The following TMEM17 variants were observed in gnomAD, a reference collection of about 807,000 sequenced individuals.
TMEM17 encodes the protein transmembrane protein 17.
Under a neutral mutation model 19.1 loss-of-function variants are expected in TMEM17, and 15 were observed. The observed-to-expected ratio is 0.78, with a 90% CI of 0.52 to 1.21. The LOEUF (loss-of-function observed/expected upper bound fraction) is 1.21. TMEM17 is among the 50% of genes most tolerant of loss of function. TMEM17 has a pLI of 0.00. For synonymous variants in TMEM17, 103 were observed against 86.9 expected, an observed-to-expected ratio of 1.19 and a Z score of -1.03; for missense variants, 245 against 242.3, an observed-to-expected ratio of 1.01 and a Z score of -0.07.
chr2:62,480,677 T>C, the TMEM17 span, among the ~76,000 whole-genome samples: 1 of 135,338 alleles, frequency 7.4e-6, no homozygotes, highest in Admixed American at 7.8e-5. Context: ...CTTTCCCCAG[T>C]AAGTGTTCTT....
the TMEM17 span, among the ~76,000 whole-genome samples, chr2:62,471,149 T>C: frequency 8.5e-5 from 13 of 152,256 alleles, no homozygotes; most frequent in African/African-American, 3.1e-4. Flanking sequence ...GTCACTAGTC[T>C]TTATTAGGCA....
the TMEM17 span, chr2:62,463,245 G>A: frequency 6.6e-6 from 1 of 152,200 alleles, no homozygotes; most frequent in African/African-American, 2.4e-5. Flanking sequence ...CCCACCGCAA[G>A]AGTAAAGGGC....
At chr2:62,462,159 C>T in the TMEM17 span, among the ~76,000 whole-genome samples, 1 of 152,194 alleles carries the variant, frequency 6.6e-6, no homozygotes, top group African/African-American at 2.4e-5. Flanking sequence ...CTGGTCCCAG[C>T]CCGTGCCCCA....
At chr2:62,455,882 T>C in the TMEM17 span, among the ~76,000 whole-genome samples, 1 of 152,226 alleles carries the variant, frequency 6.6e-6, no homozygotes, top group African/African-American at 2.4e-5. Flanking sequence ...GTTATTGTCT[T>C]TTATTATAGC....
chr2:62,502,074 T>G (rs1679943977), intron 3 of TMEM17: 1 of 166,170 alleles, frequency 6.0e-6, no homozygotes, highest in Non-Finnish European at 1.3e-5. Context: ...AATTCATAAT[T>G]TTCCCCCATT....
downstream of TMEM17, among the ~76,000 whole-genome samples, chr2:62,499,564 G>A (rs1046624568): frequency 5.3e-5 from 8 of 152,292 alleles, no homozygotes; most frequent in Middle Eastern, 0.01. Context: ...TAATCATAAA[G>A]AGCAGAAATA....
At chr2:62,492,450 A>T in the TMEM17 span, among the ~76,000 whole-genome samples, 218 of 152,346 alleles carry the variant, frequency 1.4e-3, 2 homozygotes, top group Middle Eastern at 0.014. Context: ...GGATCCAGCA[A>T]AATTTGAGCA....
chr2:62,498,489 G>A (rs1431788115), downstream of TMEM17, among the ~76,000 whole-genome samples: 1 of 150,970 alleles, frequency 6.6e-6, no homozygotes, highest in Non-Finnish European at 1.5e-5. Flanking sequence ...GGCCGAGGCG[G>A]GCGGATCACG....
intron 1 of TMEM17, 125 bp downstream of exon 1, chr2:62,505,905 C>T (rs1054420212): frequency 7.2e-6 from 7 of 971,970 alleles, no homozygotes; most frequent in Non-Finnish European, 9.3e-6. Context: ...GGCGCTCTCC[C>T]GCACTGCGGA....
downstream of TMEM17, among the ~76,000 whole-genome samples, chr2:62,498,040 T>C (rs1246828078): frequency 6.6e-6 from 1 of 152,230 alleles, no homozygotes; most frequent in Non-Finnish European, 1.5e-5. Context: ...TCCTTACATA[T>C]ACTAGTCATT....
the TMEM17 span, among the ~76,000 whole-genome samples, chr2:62,483,726 A>T: frequency 1.3e-5 from 2 of 151,442 alleles, no homozygotes; most frequent in African/African-American, 2.4e-5. Flanking sequence ...CAGCCTCCTG[A>T]GTAGCTGGGA....
At chr2:62,459,627 T>C in the TMEM17 span, among the ~76,000 whole-genome samples, 3 of 152,262 alleles carry the variant, frequency 2.0e-5, no homozygotes, top group Non-Finnish European at 4.4e-5. Context: ...ACAAACAAAC[T>C]GTAATACTTA....
chr2:62,505,857 G>C (rs898209363), intron 1 of TMEM17, among the ~76,000 whole-genome samples, 173 bp downstream of exon 1: 1 of 152,230 alleles, frequency 6.6e-6, no homozygotes, highest in Non-Finnish European at 1.5e-5. Flanking sequence ...GAGGCCGCCA[G>C]CGCCTCAGCT....
the TMEM17 span, among the ~76,000 whole-genome samples, chr2:62,470,850 C>T: frequency 6.6e-6 from 1 of 152,234 alleles, no homozygotes; most frequent in African/African-American, 2.4e-5. Context: ...CTGCAACCAA[C>T]ACCCTTATTT....
chr2:62,492,864 A>T, the TMEM17 span, among the ~76,000 whole-genome samples: 1 of 152,186 alleles, frequency 6.6e-6, no homozygotes, highest in Non-Finnish European at 1.5e-5. Flanking sequence ...CAGACAGAGC[A>T]GTTTGGAGGG....
chr2:62,472,740 C>G, the TMEM17 span, among the ~76,000 whole-genome samples: 2 of 152,230 alleles, frequency 1.3e-5, no homozygotes, highest in Admixed American at 6.5e-5. Context: ...TTTAATGTGT[C>G]TCTCAACCAA....
At chr2:62,487,034 ATCT>A in the TMEM17 span, among the ~76,000 whole-genome samples, 2 of 152,186 alleles carry the variant, frequency 1.3e-5, no homozygotes, top group African/African-American at 4.8e-5. Context: ...AAGTTCAATC[ATCT>A]TAATAATTGT....
chr2:62,464,792 G>A, the TMEM17 span, among the ~76,000 whole-genome samples: 2 of 152,058 alleles, frequency 1.3e-5, no homozygotes, highest in Non-Finnish European at 2.9e-5. Context: ...TAATTGGTTG[G>A]GCCAGAGATG....
chr2:62,500,953 C>CATTAAAA lies in TMEM17; in HGVS notation c.*255_*256insTTTTAAT. 2 of 337,954 alleles carry CATTAAAA rather than the reference C, an allele frequency of 5.9e-6. No individual in the cohort carries two copies. Among genetic ancestry groups the CATTAAAA allele is most frequent in the South Asian group, 7.9e-5 (1 of 12,646 alleles). The allele number at this position is 337,954 out of a possible 1,614,324, so 20.9% of individuals were successfully genotyped here. A position where few individuals can be genotyped will look rare whatever the true frequency, so the allele number is the denominator to read the frequency against. ...ACAACCACCAATACATAGATTTCTA[C>CATTAAAA]ACTCCTGAAAAAGACAACAACATCA... On this transcript the variant is annotated 3_prime_UTR_variant, in exon 4 of 4. Transcript: ENST00000335390.
Sources: gnomAD v4.1 joint callset for allele counts (sites outside exome capture counted in the v4.1 genomes callset) on GRCh38, gnomAD v4.1.1 for gene constraint, MANE v1.5 for transcripts, NCBI Gene and HGNC (gene_info 2026-07-23, HGNC 2026-07-21) for gene names.